PAK1: variants seen among roughly 807,000 people sequenced by gnomAD.
PAK1 encodes p21 (RAC1) activated kinase 1, also known as serine/threonine-protein kinase PAK 1.
In PAK1, 29 loss-of-function variants were observed where a neutral mutation model predicts 67.4. That is an observed-to-expected ratio of 0.43 (90% CI 0.32 to 0.59). The LOEUF is 0.59. Ranked by LOEUF, PAK1 falls within the 20% of genes least tolerant of loss-of-function variation. The pLI is 0.07. For synonymous variants in PAK1, 223 were observed against 237.4 expected (o/e 0.94, Z 0.56); for missense variants, 337 against 670.7 (o/e 0.50, Z 5.50).
the PAK1 span, among the ~76,000 whole-genome samples, chr11:77,485,473 T>TAA: frequency 6.6e-6 from 1 of 151,430 alleles, no homozygotes; most frequent in African/African-American, 2.4e-5. Flanking sequence ...AATTTTAAAA[T>TAA]AAAAAAAAAT....
chr11:77,496,480 G>A, the PAK1 span, among the ~76,000 whole-genome samples: 1 of 151,924 alleles, frequency 6.6e-6, no homozygotes, highest in Non-Finnish European at 1.5e-5. Context: ...AAAAAAATTT[G>A]CCAGCGTGGT....
intron 1 of PAK1, among the ~76,000 whole-genome samples, chr11:77,465,735 G>A (rs566498923): frequency 4.1e-4 from 62 of 152,080 alleles, no homozygotes; most frequent in African/African-American, 1.5e-3. Context: ...AGGCTGAGGC[G>A]GGCAGTTCAC....
At chr11:77,457,618 G>C (rs1957138598) in intron 1 of PAK1, among the ~76,000 whole-genome samples, 1 of 152,198 alleles carries the variant, frequency 6.6e-6, no homozygotes, top group South Asian at 2.1e-4. Context: ...ACCTGAAGCT[G>C]TCTAGGTCAG....
chr11:77,390,247 T>C (rs2725816), intron 2 of PAK1, among the ~76,000 whole-genome samples: 37,326 of 152,164 alleles, frequency 0.25, 5,682 homozygotes, highest in South Asian at 0.45. Context: ...TTGCCTAGGC[T>C]GGAGTGCAAT....
chr11:77,481,591 C>T, the PAK1 span, among the ~76,000 whole-genome samples: 214 of 150,004 alleles, frequency 1.4e-3, no homozygotes, highest in Non-Finnish European at 2.5e-3. Context: ...AGGAGAATTG[C>T]TTGAACCCGG....
At chr11:77,503,885 T>C in the PAK1 span, among the ~76,000 whole-genome samples, 2 of 152,184 alleles carry the variant, frequency 1.3e-5, no homozygotes, top group African/African-American at 4.8e-5. Flanking sequence ...AATAAAGTAT[T>C]TATGAATCTT....
intron 5 of PAK1, among the ~76,000 whole-genome samples, chr11:77,373,880 G>C (rs888986696): frequency 1.3e-5 from 2 of 152,130 alleles, no homozygotes; most frequent in African/African-American, 2.4e-5. Flanking sequence ...GACCAAAGAG[G>C]AAATTTTCTT....
At chr11:77,355,938 C>T (rs1945977185) in intron 6 of PAK1, 96 bp from the exon 7 acceptor site, 1 of 712,816 alleles carries the variant, frequency 1.4e-6, no homozygotes, top group African/African-American at 1.8e-5. Flanking sequence ...AGAGCAAACC[C>T]CAATAAACTC....
At chr11:77,328,157 G>C (rs1281175588) in intron 14 of PAK1, among the ~76,000 whole-genome samples, 1 of 152,132 alleles carries the variant, frequency 6.6e-6, no homozygotes, top group Non-Finnish European at 1.5e-5. Flanking sequence ...GACCTACAAA[G>C]AGACTTAGAC....
the PAK1 span, among the ~76,000 whole-genome samples, chr11:77,486,272 G>A: frequency 3.7e-4 from 57 of 152,210 alleles, no homozygotes; most frequent in African/African-American, 1.3e-3. Flanking sequence ...AGGCTGAGAT[G>A]GGAAGATTCC....
upstream of PAK1, chr11:77,475,732 G>GT (rs1460464317): frequency 2.6e-5 from 4 of 152,174 alleles, no homozygotes; most frequent in Non-Finnish European, 5.9e-5. Context: ...TAACAAAACT[G>GT]TAATTCTATA....
At chr11:77,407,464 T>A (rs978271470) in intron 1 of PAK1, among the ~76,000 whole-genome samples, 2 of 152,222 alleles carry the variant, frequency 1.3e-5, no homozygotes, top group African/African-American at 4.8e-5. Flanking sequence ...CTATACTGAG[T>A]GCCTATTCTT....
chr11:77,486,698 GCAACA>G, the PAK1 span, among the ~76,000 whole-genome samples: 2 of 152,172 alleles, frequency 1.3e-5, no homozygotes. Flanking sequence ...ACAGTGGGAA[GCAACA>G]CCATCCAAAA....
chr11:77,401,279 G>A (rs1314995750), intron 1 of PAK1, among the ~76,000 whole-genome samples: 4 of 152,102 alleles, frequency 2.6e-5, no homozygotes, highest in Non-Finnish European at 2.9e-5. Flanking sequence ...AATTTGCTGA[G>A]GGATGTCCTT....
intron 1 of PAK1, among the ~76,000 whole-genome samples, chr11:77,447,258 T>C (rs1024652377): frequency 2.0e-5 from 3 of 152,198 alleles, no homozygotes; most frequent in Admixed American, 2.0e-4. Context: ...GTTTGGGCTC[T>C]CCCTGGTGAG....
At chr11:77,345,307 A>T (rs1944253575) in intron 9 of PAK1, among the ~76,000 whole-genome samples, 1 of 146,892 alleles carries the variant, frequency 6.8e-6, no homozygotes, top group African/African-American at 2.6e-5. Flanking sequence ...AGAAATCAGT[A>T]GGTTGGAAAG....
intron 6 of PAK1, among the ~76,000 whole-genome samples, chr11:77,357,183 C>T (rs1455740816): frequency 6.6e-6 from 1 of 152,110 alleles, no homozygotes; most frequent in African/African-American, 2.4e-5. Context: ...TGATGCAAAG[C>T]CATTGGCAAC....
chr11:77,504,054 G>C, the PAK1 span, among the ~76,000 whole-genome samples: 1 of 151,998 alleles, frequency 6.6e-6, no homozygotes, highest in Non-Finnish European at 1.5e-5. Flanking sequence ...ACCACACTCA[G>C]TTAATTTTTG....
At chr11:77,368,860 C>A (rs1354751716) in intron 5 of PAK1, among the ~76,000 whole-genome samples, 1 of 151,990 alleles carries the variant, frequency 6.6e-6, no homozygotes, top group Non-Finnish European at 1.5e-5. Context: ...CCGCGCCTGG[C>A]CGGTAAAAAT....
Sources: gnomAD v4.1 joint callset for allele counts (sites outside exome capture counted in the v4.1 genomes callset) on GRCh38, gnomAD v4.1.1 for gene constraint, MANE v1.5 for transcripts, NCBI Gene and HGNC (gene_info 2026-07-23, HGNC 2026-07-21) for gene names.